Variants in PTPN4 observed in about 807,000 individuals in gnomAD.
The protein encoded by PTPN4 is tyrosine-protein phosphatase non-receptor type 4.
Under a neutral mutation model 135.5 loss-of-function variants are expected in PTPN4, and 49 were observed. That is an observed-to-expected ratio of 0.36 (90% CI 0.29 to 0.46). The LOEUF (loss-of-function observed/expected upper bound fraction) is 0.46. Ranked by LOEUF, PTPN4 falls within the 20% of genes least tolerant of loss-of-function variation. The pLI is 1.00. For synonymous variants in PTPN4, 333 were observed against 369.9 expected (o/e 0.90, Z 1.14); for missense variants, 860 against 1,101.0 (o/e 0.78, Z 3.10).
At chr2:119,881,199 A>C (rs1678072612) in intron 5 of PTPN4, among the ~76,000 whole-genome samples, 1 of 152,198 alleles carries the variant, frequency 6.6e-6, no homozygotes, top group African/African-American at 2.4e-5. Context: ...AGGAAATTGA[A>C]TACTTGACAA....
chr2:119,885,740 A>G (rs1348900992), intron 8 of PTPN4, 55 bp from the exon 9 acceptor site: 6 of 1,245,680 alleles, frequency 4.8e-6, no homozygotes, highest in South Asian at 4.3e-5. Flanking sequence ...TAATTTAGCC[A>G]TATTTATTTG....
intron 14 of PTPN4, 110 bp downstream of exon 14, chr2:119,932,659 T>A: frequency 7.9e-7 from 1 of 1,271,724 alleles, no homozygotes; most frequent in Non-Finnish European, 1.1e-6. Flanking sequence ...TGAATTCTTT[T>A]GGTGAAACAT....
intron 2 of PTPN4, among the ~76,000 whole-genome samples, chr2:119,826,525 G>A (rs1025934136): frequency 2.0e-5 from 3 of 152,110 alleles, no homozygotes; most frequent in Non-Finnish European, 4.4e-5. Flanking sequence ...GACATTTTTT[G>A]TTGTCACAGT....
intron 15 of PTPN4, among the ~76,000 whole-genome samples, chr2:119,940,535 A>G (rs1679045892): frequency 6.6e-6 from 1 of 152,150 alleles, no homozygotes. Context: ...AGCTCACCAC[A>G]GCCTCAAACT....
At chr2:119,780,252 A>C (rs1039551248) in intron 1 of PTPN4, among the ~76,000 whole-genome samples, 26 of 152,194 alleles carry the variant, frequency 1.7e-4, no homozygotes, top group Admixed American at 2.6e-4. Flanking sequence ...TGATCATAAC[A>C]CTTAACCTAA....
At chr2:119,904,815 G>A (rs1319730864) in intron 10 of PTPN4, among the ~76,000 whole-genome samples, 1 of 152,082 alleles carries the variant, frequency 6.6e-6, no homozygotes, top group East Asian at 1.9e-4. Flanking sequence ...CTTCAGAAGT[G>A]AAGTAGAAAT....
rs2105074255 is a variant in PTPN4, at chr2:119,984,498, C to T, written c.*7428C>T. Among the ~76,000 whole-genome samples the T allele has an allele frequency of 1.3e-5, 2 of 152,198 alleles. 1 individual carries two copies. The highest frequency in any genetic ancestry group is 3.9e-4 in the East Asian group (2 of 5,172). On this transcript the variant is annotated 3_prime_UTR_variant, in exon 27 of 27. Transcript: ENST00000263708. ...ACAAAAATATCTCTTTCCATATGAT[C>T]TCATAATTGAGGCAAAGAAGCTAAG... is the stretch of plus-strand genomic sequence containing the variant.
chr2:119,919,823 CA>C (rs768606079), intron 11 of PTPN4, among the ~76,000 whole-genome samples: 5,647 of 64,788 alleles, frequency 0.087, 56 homozygotes, highest in African/African-American at 0.13. Context: ...GACTGTGTCT[CA>C]AAAAAAAAAA....
rs70949379 is a variant in PTPN4 at position 119,975,999 on chromosome 2, A to AT, written c.2695-971dup. On this transcript the variant is annotated intron_variant, in intron 26 of 26. Coordinates refer to ENST00000263708, the MANE Select transcript of PTPN4 (RefSeq NM_002830.4). ...TTATTTTATTTTTATTTATTTATTTATTTTTTTTTTTTTTGAGACGGAGTC... is the reference window on the plus strand; with the variant it reads ...TTATTTTATTTTTATTTATTTATTTATTTTTTTTTTTTTTTGAGACGGAGTC... 5.5e-4 allele frequency among the ~76,000 whole-genome samples: 65 copies of AT among 117,566 alleles called. 1 individual carries two copies. Among genetic ancestry groups the AT allele is most frequent in the African/African-American group, 1.9e-3 (61 of 32,284 alleles). 77.1% of individuals were successfully genotyped at this position (117,566 alleles called of 152,430 possible). A position where few individuals can be genotyped will look rare whatever the true frequency, so the allele number is the denominator to read the frequency against.
At chr2:119,783,756 G>A (rs191575117) in intron 1 of PTPN4, among the ~76,000 whole-genome samples, 160 of 152,350 alleles carry the variant, frequency 1.1e-3, no homozygotes, top group African/African-American at 3.7e-3. Context: ...GTGACAGAAT[G>A]TGAGATGTTT....
At chr2:119,928,551 G>A (rs572118922) in intron 13 of PTPN4, among the ~76,000 whole-genome samples, 3 of 152,248 alleles carry the variant, frequency 2.0e-5, no homozygotes, top group South Asian at 4.1e-4. Context: ...ACCAAACGGT[G>A]TCATGAGTTG....
At chr2:119,935,134 C>A in intron 15 of PTPN4, 176 bp downstream of exon 15, 2 of 698,668 alleles carry the variant, frequency 2.9e-6, no homozygotes, top group South Asian at 2.1e-5. Flanking sequence ...GCCTCTCCCT[C>A]CCCGACCCAG....
At chr2:119,872,962 A>G (rs1677933990) in intron 3 of PTPN4, among the ~76,000 whole-genome samples, 1 of 152,180 alleles carries the variant, frequency 6.6e-6, no homozygotes, top group Admixed American at 6.6e-5. Flanking sequence ...TATTTACAAT[A>G]GGAACCCTGA....
Position 119,862,753 on chromosome 2 carries a change from C to A in PTPN4, c.246+110C>A, listed in dbSNP as rs543197672. ...ACTGATTTGATGAGTTTTTTTTTTA[C>A]TTGACTTAAATAGAGGTAATTCTTT... On this transcript the variant is annotated intron_variant, in intron 3 of 26. Transcript: ENST00000263708. The A allele has an allele frequency of 9.1e-6, 7 of 767,614 alleles. No individual in the cohort carries two copies. The African/African-American group carries it at 1.1e-4, about 12-fold the overall frequency. The allele number at this position is 767,614 out of a possible 1,614,324, so 47.6% of individuals were successfully genotyped here.
chr2:119,954,084 T>A (rs1679246744), intron 19 of PTPN4, among the ~76,000 whole-genome samples: 1 of 152,238 alleles, frequency 6.6e-6, no homozygotes, highest in African/African-American at 2.4e-5. Context: ...AAGAATATAT[T>A]TTTGTTTTTC....
intron 1 of PTPN4, among the ~76,000 whole-genome samples, chr2:119,793,897 C>T (rs1691202925): frequency 1.6e-5 from 2 of 122,494 alleles, no homozygotes; most frequent in South Asian, 5.9e-4. Context: ...CACTCTTCAC[C>T]CAGGTTGGAG....
rs1679710330 is a variant in PTPN4, at chr2:119,982,484, T to C, written c.*5414T>C. On this transcript the variant is annotated 3_prime_UTR_variant, in exon 27 of 27. Transcript: ENST00000263708. ...AATTTTAGAAGAAAAACATTTTCAT[T>C]ATAAACAAGAGCAATCATTGAAGCA... The C allele has an allele frequency of 6.6e-6, 1 of 152,002 alleles. No homozygotes were observed. The highest frequency in any genetic ancestry group is 1.5e-5 in the Non-Finnish European group (1 of 68,002). The allele number at this position is 152,002 out of a possible 1,614,324, so 9.4% of individuals were successfully genotyped here. A position where few individuals can be genotyped will look rare whatever the true frequency, so the allele number is the denominator to read the frequency against.
At chr2:119,828,385 T>TTG (rs940649900) in intron 2 of PTPN4, among the ~76,000 whole-genome samples, 57 of 152,372 alleles carry the variant, frequency 3.7e-4, no homozygotes, top group African/African-American at 1.4e-3. Flanking sequence ...TGTCTTAGCA[T>TTG]TGTGGTGTAT....
intron 5 of PTPN4, among the ~76,000 whole-genome samples, chr2:119,878,279 T>A (rs1292640805): frequency 1.3e-5 from 2 of 152,202 alleles, no homozygotes; most frequent in Non-Finnish European, 2.9e-5. Context: ...TAACTGTCAG[T>A]ATTAACCTGA....
Sources: allele counts gnomAD v4.1 joint callset (sites outside exome capture counted in the v4.1 genomes callset), GRCh38; gene constraint gnomAD v4.1.1; transcripts MANE v1.5; gene names NCBI Gene and HGNC (gene_info 2026-07-23, HGNC 2026-07-21).